The following PDE10A variants were observed in gnomAD, a reference collection of about 807,000 sequenced individuals.
PDE10A encodes the protein cAMP and cAMP-inhibited cGMP 3',5'-cyclic phosphodiesterase 10A.
PDE10A carries 39 observed loss-of-function variants against 97.7 expected under a neutral mutation model. That is an observed-to-expected ratio of 0.40 (90% CI 0.31 to 0.52). PDE10A has a LOEUF of 0.52. Ranked by LOEUF, PDE10A falls within the 20% of genes least tolerant of loss-of-function variation. The pLI, the probability that PDE10A is intolerant of heterozygous loss-of-function variation, is 0.56. For synonymous variants in PDE10A, 371 were observed against 376.8 expected (o/e 0.98, Z 0.18); for missense variants, 731 against 1,047.8 (o/e 0.70, Z 4.17).
chr6:165,561,613 G>C (rs1162158739), intron 1 of PDE10A, among the ~76,000 whole-genome samples: 3 of 152,118 alleles, frequency 2.0e-5, no homozygotes, highest in Non-Finnish European at 4.4e-5. Flanking sequence ...AATGTGTTTT[G>C]AGTGTTTTAA....
intron 1 of PDE10A, among the ~76,000 whole-genome samples, chr6:165,953,333 G>T (rs59467904): frequency 0.13 from 20,523 of 152,212 alleles, 1,743 homozygotes; most frequent in African/African-American, 0.23. Flanking sequence ...GCTCACGCCT[G>T]TAATCCCAGC....
rs148542531 is a variant in PDE10A at position 165,344,538 on chromosome 6, A to G, written c.2784-1036T>C. Among the ~76,000 whole-genome samples, 1,066 of 152,302 alleles carry G rather than the reference A, an allele frequency of 7.0e-3. 9 individuals are homozygous for G. The highest frequency in any genetic ancestry group is 0.023 in the African/African-American group (968 of 41,566). ...GTCCACATTCTCCAACTGCGGGCACAGTCCTGCCCTAGCTCCCGAGCCTGT... is the reference window on the plus strand; with the variant it reads ...GTCCACATTCTCCAACTGCGGGCACGGTCCTGCCCTAGCTCCCGAGCCTGT... On this transcript the variant is annotated intron_variant, in intron 18 of 21. Transcript: ENST00000539869.
chr6:165,535,476 T>C (rs939180937), intron 2 of PDE10A, among the ~76,000 whole-genome samples: 3 of 151,966 alleles, frequency 2.0e-5, no homozygotes, highest in South Asian at 2.1e-4. Flanking sequence ...ACATACAATA[T>C]GTGATTTCCA....
chr6:165,929,439 G>T (rs1232678466), intron 1 of PDE10A, among the ~76,000 whole-genome samples: 2 of 152,146 alleles, frequency 1.3e-5, no homozygotes, highest in Non-Finnish European at 2.9e-5. Context: ...CCATACATGT[G>T]ATGGAATAAT....
intron 2 of PDE10A, among the ~76,000 whole-genome samples, chr6:165,528,163 A>C (rs767799458): frequency 3.4e-4 from 51 of 152,228 alleles, no homozygotes; most frequent in Non-Finnish European, 6.5e-4. Flanking sequence ...GTGACAAAGC[A>C]ATTTGGGGAA....
chr6:165,769,365 A>G (rs1007463799), intron 1 of PDE10A, among the ~76,000 whole-genome samples: 1 of 152,240 alleles, frequency 6.6e-6, no homozygotes, highest in Non-Finnish European at 1.5e-5. Context: ...TGCTTAAAAC[A>G]ATGACAATAA....
At chr6:165,783,378 C>T (rs1031494771) in intron 1 of PDE10A, among the ~76,000 whole-genome samples, 1 of 152,140 alleles carries the variant, frequency 6.6e-6, no homozygotes, top group Non-Finnish European at 1.5e-5. Flanking sequence ...GATTTTTATC[C>T]CCCACTGTAG....
intron 1 of PDE10A, among the ~76,000 whole-genome samples, chr6:165,879,408 G>A (rs937528821): frequency 3.9e-5 from 6 of 152,202 alleles, no homozygotes; most frequent in African/African-American, 1.4e-4. Flanking sequence ...ACCAACCTCT[G>A]TGTCTGTTGT....
At chr6:165,387,932 C>T (rs1472530530) in intron 17 of PDE10A, among the ~76,000 whole-genome samples, 1 of 152,048 alleles carries the variant, frequency 6.6e-6, no homozygotes, top group Admixed American at 6.6e-5. Context: ...GCATTTAAAA[C>T]CTTATATTTA....
At chr6:165,944,634 T>A (rs1034452035) in intron 1 of PDE10A, among the ~76,000 whole-genome samples, 1 of 152,190 alleles carries the variant, frequency 6.6e-6, no homozygotes, top group African/African-American at 2.4e-5. Flanking sequence ...CCTAACCCCA[T>A]TTTCCCATAA....
intron 1 of PDE10A, among the ~76,000 whole-genome samples, chr6:165,624,142 T>C (rs1788276280): frequency 1.3e-5 from 2 of 152,366 alleles, no homozygotes; most frequent in African/African-American, 4.8e-5. Context: ...CTTTGAGTCA[T>C]ATCCATCCAC....
intron 1 of PDE10A, among the ~76,000 whole-genome samples, chr6:165,891,674 G>GAGTGC (rs1281434151): frequency 6.6e-6 from 1 of 151,742 alleles, no homozygotes; most frequent in Non-Finnish European, 1.5e-5. Context: ...ATCTTGGTGG[G>GAGTGC]AGTGCAGTGT....
intron 1 of PDE10A, among the ~76,000 whole-genome samples, chr6:165,756,211 A>G (rs1329715165): frequency 6.6e-6 from 1 of 152,242 alleles, no homozygotes; most frequent in East Asian, 1.9e-4. Flanking sequence ...GTATTAAGAA[A>G]AAGATTGGCA....
chr6:165,348,815 T>G (rs1340293732), intron 18 of PDE10A, among the ~76,000 whole-genome samples: 1 of 152,172 alleles, frequency 6.6e-6, no homozygotes, highest in Admixed American at 6.5e-5. Context: ...GATTCAGTTT[T>G]CACAGGAGCT....
chr6:165,486,574 A>G (rs1445692009), intron 2 of PDE10A, among the ~76,000 whole-genome samples: 2 of 152,218 alleles, frequency 1.3e-5, no homozygotes, highest in South Asian at 2.1e-4. Context: ...ACATTAAAGT[A>G]CGTGCCCTTA....
Position 165,700,146 on chromosome 6 carries a change from T to C in PDE10A, c.-614-156578A>G, listed in dbSNP as rs139444289. Among the ~76,000 whole-genome samples the C allele has an allele frequency of 9.0e-3, 1,373 of 152,318 alleles. 12 individuals carry two copies. Among genetic ancestry groups the C allele is most frequent in the Middle Eastern group, 0.034 (10 of 294 alleles). ...GACAAAATGAAGTACTGATACACACTACAATGTGGATAAACCTTGAAAACA... is the reference window on the plus strand; with the variant it reads ...GACAAAATGAAGTACTGATACACACCACAATGTGGATAAACCTTGAAAACA... On this transcript the variant is annotated intron_variant, in intron 1 of 19. Coordinates refer to the PDE10A transcript ENST00000366882.
intron 10 of PDE10A, among the ~76,000 whole-genome samples, chr6:165,421,775 T>C (rs1788710282): frequency 6.6e-6 from 1 of 152,216 alleles, no homozygotes; most frequent in Admixed American, 6.5e-5. Flanking sequence ...GTAAGAGGGC[T>C]TCTGTGGCTG....
intron 1 of PDE10A, among the ~76,000 whole-genome samples, chr6:165,749,719 T>C (rs1188381342): frequency 1.3e-5 from 2 of 152,276 alleles, no homozygotes; most frequent in Non-Finnish European, 2.9e-5. Context: ...TATTGGTATA[T>C]GAAAAACTAT....
intron 1 of PDE10A, among the ~76,000 whole-genome samples, chr6:165,976,505 C>A (rs1023335470): frequency 1.3e-5 from 2 of 152,124 alleles, no homozygotes; most frequent in Non-Finnish European, 2.9e-5. Flanking sequence ...TGCCTTGAAT[C>A]GCAACATATT....
Sources: allele counts gnomAD v4.1 joint callset (sites outside exome capture counted in the v4.1 genomes callset), GRCh38; gene constraint gnomAD v4.1.1; transcripts MANE v1.5; gene names NCBI Gene and HGNC (gene_info 2026-07-23, HGNC 2026-07-21).